Variants in FCRL6 observed in about 807,000 individuals in gnomAD.
FCRL6 encodes Fc receptor-like protein 6.
A neutral mutation model predicts 49.1 loss-of-function variants in FCRL6; 50 were observed. The observed-to-expected ratio is 1.02, with a 90% CI of 0.81 to 1.29. The LOEUF is 1.29. FCRL6 is among the 50% of genes most tolerant of loss of function. FCRL6 has a pLI of 0.00. For synonymous variants in FCRL6, 213 were observed against 199.6 expected, an observed-to-expected ratio of 1.07 and a Z score of -0.57; for missense variants, 571 against 518.5, an observed-to-expected ratio of 1.10 and a Z score of -0.98.
intron 8 of FCRL6, among the ~76,000 whole-genome samples, chr1:159,814,987 A>T (rs1340216173): frequency 6.6e-6 from 1 of 152,248 alleles, no homozygotes; most frequent in Non-Finnish European, 1.5e-5. Context: ...GTAAGTTGTT[A>T]GGAATAGAAC....
Position 159,815,560 on chromosome 1 carries a change from G to A in FCRL6, c.1204G>A (p.Val402Met), listed in dbSNP as rs1663354515. 1 of 1,614,188 alleles carries A rather than the reference G, an allele frequency of 6.2e-7. No homozygotes were observed. The highest frequency in any genetic ancestry group is 1.6e-4 in the Middle Eastern group (1 of 6,062). ...RKDSSIICAE[V>M]RCLQPSEVSS... ...GGACAGTTCTATCATCTGTGCGGAGGTGAGATGCCTGCAGCCCAGTGAGGT... is the reference window on the plus strand; with the variant it reads ...GGACAGTTCTATCATCTGTGCGGAGATGAGATGCCTGCAGCCCAGTGAGGT... The change falls in exon 10 of 10, where the codon GTG becomes ATG. Residue 402 changes from valine to methionine, a missense_variant. Transcript: ENST00000368106.
Position 159,809,420 on chromosome 1 carries a change from T to G in FCRL6, c.623T>G (p.Val208Gly). 1.2e-6 allele frequency: 2 copies of G among 1,609,748 alleles called. No homozygotes were observed. The highest frequency in any genetic ancestry group is 1.3e-5 in the African/African-American group (1 of 74,978). ...GTCCCAGCTCCTGTATCCCGTCCTG[T>G]GCTCACTCTGCACCACGGGCCTGCT... ...VRVQAPVSRPVLTLHHGPADP... is the reference protein window; with the variant it reads ...VRVQAPVSRPGLTLHHGPADP... The change falls in exon 5 of 10, where the codon GTG (valine) becomes GGG (glycine). Residue 208 changes from valine (V) to glycine (G), a missense_variant. Transcript: ENST00000368106.
rs200331672 is a variant in FCRL6 at position 159,808,449 on chromosome 1, G to A, written c.319+5G>A. The A allele has an allele frequency of 1.9e-6, 3 of 1,614,054 alleles. No individual in the cohort carries two copies. Among genetic ancestry groups the A allele is most frequent in the Non-Finnish European group, 2.5e-6 (3 of 1,180,028 alleles). On this transcript the variant is annotated splice_donor_5th_base_variant and intron_variant, in intron 3 of 9. Coordinates refer to ENST00000368106, the MANE Select transcript of FCRL6 (RefSeq NM_001004310.3). ...CTGCCATGGTTCAAGTCCAAGGTGA[G>A]TCACCAGCTTGGGAGTTTGTGGGGC...
In FCRL6 at chr1:159,814,211, C is replaced by T. The variant is rs1414978046; in HGVS notation, c.1076-10C>T. Reference sequence around the variant, plus strand: ...GGAGGATCCTATTTAAGCCTCATTCCTTCTTCCAGTGCATCACCAGAAAGG... The same window carrying T: ...GGAGGATCCTATTTAAGCCTCATTCTTTCTTCCAGTGCATCACCAGAAAGG... On this transcript the variant is annotated splice_polypyrimidine_tract_variant and intron_variant, in intron 7 of 9. Coordinates refer to ENST00000368106, the MANE Select transcript of FCRL6 (RefSeq NM_001004310.3). 2 of 1,613,312 alleles carry T rather than the reference C, an allele frequency of 1.2e-6. No individual in the cohort carries two copies. Among genetic ancestry groups the T allele is most frequent in the African/African-American group, 2.7e-5 (2 of 74,900 alleles).
At chr1:159,807,321 CTCAGGCCA>C (rs1435562245) in intron 2 of FCRL6, among the ~76,000 whole-genome samples, 3 of 152,100 alleles carry the variant, frequency 2.0e-5, no homozygotes, top group Non-Finnish European at 4.4e-5. Context: ...CCTCATTAGT[CTCAGGCCA>C]TCAGGCCTGC....
In FCRL6 at chr1:159,808,375, T is replaced by A. The variant is rs140069687; in HGVS notation, c.250T>A (p.Ser84Thr). The change falls in exon 3 of 10, where the codon TCT becomes ACT. Residue 84 changes from serine to threonine, a missense_variant. By Grantham distance (58) the Ser-to-Thr change is moderately conservative. Coordinates refer to ENST00000368106, the MANE Select transcript of FCRL6 (RefSeq NM_001004310.3). The stretch of plus-strand genomic sequence containing the variant: ...GCAGAGCCGTGGCCAGTACAGCTGC[T>A]CTGGGCAGGTGATGTATATTCCACA... The part of the protein sequence containing the change: ...TVQSRGQYSC[S>T]GQVMYIPQTF... The A allele has an allele frequency of 1.0e-3, 1,682 of 1,614,148 alleles. 1 individual carries two copies. Among genetic ancestry groups the A allele is most frequent in the Non-Finnish European group, 1.3e-3 (1,509 of 1,180,012 alleles).
Position 159,810,194 on chromosome 1 carries a change from T to C in FCRL6, c.987T>C (p.Tyr329=), listed in dbSNP as rs148078638. The change falls in exon 6 of 10, where the codon TAT becomes TAC. Residue 329 remains tyrosine (Y), a synonymous_variant. Coordinates refer to ENST00000368106, the MANE Select transcript of FCRL6 (RefSeq NM_001004310.3). The stretch of plus-strand genomic sequence containing the variant: ...TTATTGCTGCTGCACTTCTGGTTTA[T>C]GTGAGATCCTGGAGAAAAGCTGGTC... ...LMVIAAALLV[Y]VRSWRKAGPL... 1.2e-6 allele frequency: 2 copies of C among 1,613,272 alleles called. No individual in the cohort carries two copies. The highest frequency in any genetic ancestry group is 1.7e-6 in the Non-Finnish European group (2 of 1,179,624).
Position 159,816,030 on chromosome 1 carries a change from C to T in FCRL6, c.*369C>T, listed in dbSNP as rs76062832. On this transcript the variant is annotated 3_prime_UTR_variant, in exon 10 of 10. Coordinates refer to ENST00000368106, the MANE Select transcript of FCRL6 (RefSeq NM_001004310.3). ...ATTTCAGTCAGTGATAGACTGCATA[C>T]ACAACAGTGGTCCCATAAGACTGTA... The T allele has an allele frequency of 6.2e-3, 1,420 of 228,716 alleles. 21 individuals carry two copies. The highest frequency in any genetic ancestry group is 0.029 in the African/African-American group (1,323 of 45,442). The allele number at this position is 228,716 out of a possible 1,614,324, so 14.2% of individuals were successfully genotyped here. A position where few individuals can be genotyped will look rare whatever the true frequency, so the allele number is the denominator to read the frequency against.
Position 159,815,702 on chromosome 1 carries a change from C to T in FCRL6, c.*41C>T. ...ATCAACACACGCCCACCCCCAGTCT[C>T]CAGTGCTCCTCAGGAAGACAGTGGG... On this transcript the variant is annotated 3_prime_UTR_variant, in exon 10 of 10. Coordinates refer to ENST00000368106, the MANE Select transcript of FCRL6 (RefSeq NM_001004310.3). 6.2e-7 allele frequency: 1 copy of T among 1,611,282 alleles called. No individual in the cohort carries two copies. The highest frequency in any genetic ancestry group is 8.5e-7 in the Non-Finnish European group (1 of 1,179,300).
Position 159,806,599 on chromosome 1 carries a change from CCT to C in FCRL6, c.36_37del (p.Val14TrpfsTer17). 6.2e-7 allele frequency: 1 copy of C among 1,613,744 alleles called. No homozygotes were observed. Among genetic ancestry groups the C allele is most frequent in the East Asian group, 2.2e-5 (1 of 44,846 alleles). On this transcript the variant is annotated frameshift_variant, in exon 2 of 10. Transcript: ENST00000368106. LOFTEE classifies it high-confidence loss of function. ...GTGTTACTTTGTTCTCTTGCAGTTCCCTGTGTTGGGAAAACTGGTAAGTTGTG... is the reference window on the plus strand; with the variant it reads ...GTGTTACTTTGTTCTCTTGCAGTTCCGTGTTGGGAAAACTGGTAAGTTGTG...
chr1:159,809,714 C>G, intron 5 of FCRL6, 31 bp downstream of exon 5: 2 of 1,595,642 alleles, frequency 1.3e-6, no homozygotes, highest in South Asian at 2.2e-5. Context: ...GAGCTTTGAG[C>G]CCCAGCAAGC....
At chr1:159,810,320 T>C in intron 6 of FCRL6, 104 bp downstream of exon 6, 4 of 1,411,234 alleles carry the variant, frequency 2.8e-6, no homozygotes, top group African/African-American at 1.4e-5. Context: ...TCTCTTCTCC[T>C]GGGTGTGGAG....
rs1662798073 is a variant in FCRL6 at position 159,807,850 on chromosome 1, G to A, written c.53-328G>A. ...AAGCCAAGCTTGGCAAGGCAGACAG[G>A]AAAGTGCAATATAAAAGAAGACAAG... On this transcript the variant is annotated intron_variant, in intron 2 of 9. Transcript: ENST00000368106. Among the ~76,000 whole-genome samples the A allele has an allele frequency of 2.0e-5, 3 of 149,978 alleles. No individual in the cohort carries two copies. In the South Asian group the frequency reaches 6.7e-4, roughly 34 times the overall value.
intron 7 of FCRL6, among the ~76,000 whole-genome samples, 199 bp downstream of exon 7, chr1:159,813,753 C>A (rs1344544712): frequency 2.6e-5 from 4 of 152,064 alleles, no homozygotes; most frequent in Non-Finnish European, 5.9e-5. Flanking sequence ...GGGAAGGGAG[C>A]CAGGGCTGCA....
intron 7 of FCRL6, among the ~76,000 whole-genome samples, chr1:159,813,929 A>T (rs1242263422): frequency 6.6e-6 from 1 of 152,226 alleles, no homozygotes; most frequent in Non-Finnish European, 1.5e-5. Context: ...AACATTTGTG[A>T]CAGAGATTAT....
intron 8 of FCRL6, 133 bp from the exon 9 acceptor site, chr1:159,815,295 A>G: frequency 1.2e-6 from 1 of 843,926 alleles, no homozygotes; most frequent in South Asian, 1.8e-5. Flanking sequence ...CAGGTTGAGG[A>G]GGAGTGAAAG....
In FCRL6 at chr1:159,815,416, C is replaced by T; in HGVS notation, c.1148-12C>T. 6.2e-7 allele frequency: 1 copy of T among 1,613,474 alleles called. No homozygotes were observed. The highest frequency in any genetic ancestry group is 1.3e-5 in the African/African-American group (1 of 75,056). The stretch of plus-strand genomic sequence containing the variant: ...CACAGAGACCTGACCTGAGCTCATT[C>T]TTTCCCCACAGCCAGGTCTGCTGAG... On this transcript the variant is annotated splice_polypyrimidine_tract_variant and intron_variant, in intron 8 of 9. Transcript: ENST00000368106.
rs1462990176 is a variant in FCRL6, at chr1:159,809,961, C to T, written c.887-133C>T. ...GCCATCCCCTGAGCCATCCTTCATG[C>T]CCATCTATGAGGCTCCCCCAGGCCA... On this transcript the variant is annotated intron_variant, in intron 5 of 9. Transcript: ENST00000368106. 43 of 1,130,262 alleles carry T rather than the reference C, an allele frequency of 3.8e-5. No homozygotes were observed. The East Asian group carries it at 1.0e-3, about 26-fold the overall frequency. 70.0% of individuals were successfully genotyped at this position (1,130,262 alleles called of 1,614,324 possible). A position where few individuals can be genotyped will look rare whatever the true frequency, so the allele number is the denominator to read the frequency against.
chr1:159,812,496 A>G (rs1255633218), intron 6 of FCRL6, among the ~76,000 whole-genome samples: 2 of 152,258 alleles, frequency 1.3e-5, no homozygotes, highest in Admixed American at 6.5e-5. Flanking sequence ...ACCTGCATGT[A>G]CAGGTTCTGC....
Sources: allele counts gnomAD v4.1 joint callset (sites outside exome capture counted in the v4.1 genomes callset), GRCh38; gene constraint gnomAD v4.1.1; transcripts MANE v1.5; gene names NCBI Gene and HGNC (gene_info 2026-07-23, HGNC 2026-07-21).